The following FMN1 variants were observed in gnomAD, a reference collection of about 807,000 sequenced individuals.
FMN1 encodes the protein formin 1.
Under a neutral mutation model 132.4 loss-of-function variants are expected in FMN1, and 110 were observed. The ratio of observed to expected loss-of-function variants is 0.83; its 90% CI spans 0.71 to 0.97. The LOEUF (loss-of-function observed/expected upper bound fraction) is 0.97, where lower values mean the gene tolerates loss of function less well. Among genes scored for constraint, FMN1 ranks in the 50% least tolerant of loss-of-function variants. The probability of loss-of-function intolerance (pLI) is 0.00; values close to 1 mark genes in which losing one functional copy is unlikely to be tolerated. For synonymous variants in FMN1, 722 were observed against 651.7 expected, an observed-to-expected ratio of 1.11 and a Z score of -1.64; for missense variants, 1,792 against 1,705.3, an observed-to-expected ratio of 1.05 and a Z score of -0.90.
At chr15:33,106,003 G>A (rs539319967) in intron 4 of FMN1, 5 of 152,164 alleles carry the variant, frequency 3.3e-5, no homozygotes, top group Admixed American at 3.3e-4. Flanking sequence ...CCCTTAGAAT[G>A]GCTGTCCATC....
At chr15:32,864,289 T>A (rs540401050) in intron 16 of FMN1, among the ~76,000 whole-genome samples, 1 of 152,084 alleles carries the variant, frequency 6.6e-6, no homozygotes, top group East Asian at 1.9e-4. Context: ...GGGAGTGGTA[T>A]TACTGGAAAT....
rs57504432 is a variant in FMN1 at position 33,075,020 on chromosome 15, C to CAAAAAAAAAAAAAA, written c.2044-9960_2044-9947dup. 9.7e-5 allele frequency among the ~76,000 whole-genome samples: 6 copies of CAAAAAAAAAAAAAA among 61,686 alleles called. 1 individual carries two copies. Among genetic ancestry groups the CAAAAAAAAAAAAAA allele is most frequent in the Admixed American group, 2.0e-4 (1 of 5,088 alleles). 40.5% of individuals were successfully genotyped at this position (61,686 alleles called of 152,430 possible). A position where few individuals can be genotyped will look rare whatever the true frequency, so the allele number is the denominator to read the frequency against. On this transcript the variant is annotated intron_variant, in intron 5 of 20. Transcript: ENST00000616417. ...TGGGCAACTGAGCAAGATTCCATCT[C>CAAAAAAAAAAAAAA]AAAAAAAAAAAAAAAAAAAAAAAAA...
intron 9 of FMN1, among the ~76,000 whole-genome samples, chr15:32,940,212 G>T (rs1282216253): frequency 1.3e-5 from 2 of 152,106 alleles, no homozygotes; most frequent in Non-Finnish European, 2.9e-5. Flanking sequence ...TGTGGAATGG[G>T]ATCAACATCA....
intron 4 of FMN1, among the ~76,000 whole-genome samples, chr15:33,137,988 G>A (rs1193768983): frequency 1.3e-5 from 2 of 152,200 alleles, no homozygotes; most frequent in Non-Finnish European, 2.9e-5. Flanking sequence ...CTGTAAGATG[G>A]AGATAATAAT....
At chr15:33,013,366 T>C (rs562637836) in intron 6 of FMN1, among the ~76,000 whole-genome samples, 5 of 152,334 alleles carry the variant, frequency 3.3e-5, no homozygotes, top group South Asian at 4.1e-4. Flanking sequence ...AATTGCTAAA[T>C]GTAATAGTCT....
chr15:33,019,872 G>A (rs982777911), intron 6 of FMN1, among the ~76,000 whole-genome samples: 3 of 152,308 alleles, frequency 2.0e-5, no homozygotes, highest in South Asian at 2.1e-4. Flanking sequence ...ACACCTCCCC[G>A]CAAGCGGAGG....
At chr15:32,849,304 T>G (rs1452901716) in intron 17 of FMN1, among the ~76,000 whole-genome samples, 1 of 152,084 alleles carries the variant, frequency 6.6e-6, no homozygotes, top group South Asian at 2.1e-4. Flanking sequence ...CTTAGGTTAA[T>G]TCTTATTTGT....
rs371377458 is a variant in FMN1 at position 32,977,636 on chromosome 15, A to T, written c.2224-8159T>A. On this transcript the variant is annotated intron_variant, in intron 7 of 20. Transcript: ENST00000616417. Reference sequence around the variant, plus strand: ...CATTAAGATTTCCTGTAGTTCTAAAACATTAGTAATTTCCACACCCAAGAC... The same window carrying T: ...CATTAAGATTTCCTGTAGTTCTAAATCATTAGTAATTTCCACACCCAAGAC... Among the ~76,000 whole-genome samples the T allele has an allele frequency of 6.6e-5, 10 of 152,254 alleles. No individual in the cohort carries two copies. The East Asian group carries it at 1.2e-3, about 18-fold the overall frequency.
At chr15:32,924,909 C>G (rs924520973) in intron 10 of FMN1, among the ~76,000 whole-genome samples, 1 of 152,062 alleles carries the variant, frequency 6.6e-6, no homozygotes, top group Non-Finnish European at 1.5e-5. Context: ...AGCAAAACTC[C>G]GTCTCAAAAC....
chr15:33,014,222 A>G (rs2034904684), intron 6 of FMN1, among the ~76,000 whole-genome samples: 1 of 152,262 alleles, frequency 6.6e-6, no homozygotes, highest in Admixed American at 6.5e-5. Context: ...AATAATGTCC[A>G]TGAGTCAAAA....
In FMN1 at chr15:33,073,898, T is replaced by C. The variant is rs914428665; in HGVS notation, c.2044-8824A>G. ...GTTGCGTGTCACCACGACCGACTAA[T>C]TTTTGTATTTTTTCTAGAGACGGGG... is the stretch of plus-strand genomic sequence containing the variant. On this transcript the variant is annotated intron_variant, in intron 5 of 20. Coordinates refer to ENST00000616417, the MANE Select transcript of FMN1 (RefSeq NM_001277313.2). Among the ~76,000 whole-genome samples, 47 of 152,092 alleles carry C rather than the reference T, an allele frequency of 3.1e-4. 1 individual carries two copies. The highest frequency in any genetic ancestry group is 2.9e-5 in the Non-Finnish European group (2 of 68,002).
intron 18 of FMN1, among the ~76,000 whole-genome samples, chr15:32,803,356 G>A (rs1178647610): frequency 6.6e-6 from 1 of 152,182 alleles, no homozygotes; most frequent in Non-Finnish European, 1.5e-5. Flanking sequence ...CTATGAGGGA[G>A]GGAGAGCCAC....
chr15:32,910,853 T>A (rs2060544223), intron 10 of FMN1, among the ~76,000 whole-genome samples: 1 of 152,228 alleles, frequency 6.6e-6, no homozygotes, highest in African/African-American at 2.4e-5. Flanking sequence ...TGAAGCACAA[T>A]TTTAAATCTT....
intron 10 of FMN1, among the ~76,000 whole-genome samples, chr15:32,911,877 G>A (rs1198684716): frequency 6.6e-6 from 1 of 152,046 alleles, no homozygotes; most frequent in Non-Finnish European, 1.5e-5. Context: ...CAGAAAGAAA[G>A]GATTTGTCCT....
chr15:33,013,980 C>G (rs1371691032), intron 6 of FMN1, among the ~76,000 whole-genome samples: 1 of 152,040 alleles, frequency 6.6e-6, no homozygotes, highest in African/African-American at 2.4e-5. Flanking sequence ...ATGAAGGAGA[C>G]TACTGCAAAG....
intron 6 of FMN1, chr15:33,064,070 T>C (rs1028985949): frequency 2.0e-5 from 3 of 152,096 alleles, no homozygotes; most frequent in African/African-American, 7.2e-5. Context: ...ATCACTGGAG[T>C]AATTTGATAT....
At chr15:33,009,404 G>A (rs1011719861) in intron 6 of FMN1, among the ~76,000 whole-genome samples, 1 of 152,108 alleles carries the variant, frequency 6.6e-6, no homozygotes, top group African/African-American at 2.4e-5. Flanking sequence ...TGAAATCAGA[G>A]CTCTCTGTTG....
At chr15:32,945,052 G>C (rs2061480092) in intron 9 of FMN1, among the ~76,000 whole-genome samples, 1 of 152,128 alleles carries the variant, frequency 6.6e-6, no homozygotes, top group African/African-American at 2.4e-5. Flanking sequence ...GTTGGTGACA[G>C]TTTGTTAAAT....
intron 16 of FMN1, among the ~76,000 whole-genome samples, chr15:32,880,956 C>T (rs1036038557): frequency 6.6e-6 from 1 of 152,164 alleles, no homozygotes; most frequent in African/African-American, 2.4e-5. Flanking sequence ...GCAGAATTAA[C>T]TTTAAACTTT....
Sources: gnomAD v4.1 joint callset for allele counts (sites outside exome capture counted in the v4.1 genomes callset) on GRCh38, gnomAD v4.1.1 for gene constraint, MANE v1.5 for transcripts, NCBI Gene and HGNC (gene_info 2026-07-23, HGNC 2026-07-21) for gene names.